The following ZNF462 variants were observed in gnomAD, a reference collection of about 807,000 sequenced individuals.
The protein encoded by ZNF462 is zinc finger protein 462.
A neutral mutation model predicts 201.9 loss-of-function variants in ZNF462; 10 were observed. The observed-to-expected ratio is 0.05, with a 90% CI of 0.03 to 0.08. The LOEUF is 0.08. Ranked by LOEUF, ZNF462 falls within the 10% of genes least tolerant of loss-of-function variation. The probability of loss-of-function intolerance (pLI) is 1.00; values close to 1 mark genes in which losing one functional copy is unlikely to be tolerated. For missense variants in ZNF462, 2,523 were observed against 3,168.3 expected (o/e 0.80, Z 4.89); for synonymous variants, 1,227 against 1,193.3 (o/e 1.03, Z -0.58).
rs1035772573 is a variant in ZNF462 at position 106,880,108 on chromosome 9, CAG to C, written c.-31+16756_-31+16757del. Among the ~76,000 whole-genome samples, 3 of 152,154 alleles carry C rather than the reference CAG, an allele frequency of 2.0e-5. No homozygotes were observed. Among genetic ancestry groups the C allele is most frequent in the Non-Finnish European group, 2.9e-5 (2 of 68,030 alleles). ...AGAGCTTTCCTAGGAATGGGACAAA[CAG>C]AGTTGCTCGTAACCACCAAGAGCCC... On this transcript the variant is annotated intron_variant, in intron 1 of 12. Coordinates refer to ENST00000277225, the MANE Select transcript of ZNF462 (RefSeq NM_021224.6). This position sits in a 1 kb window ranked among gnomAD's most constrained non-coding sequence, Gnocchi z 4.1.
intron 1 of ZNF462, among the ~76,000 whole-genome samples, chr9:106,892,567 C>T (rs1357962757): frequency 6.6e-6 from 1 of 151,960 alleles, no homozygotes; most frequent in Non-Finnish European, 1.5e-5. Flanking sequence ...TGCCAAACTC[C>T]AAGGCAGTGG....
intron 10 of ZNF462, among the ~76,000 whole-genome samples, chr9:106,996,667 T>A (rs1353254299): frequency 1.3e-5 from 2 of 152,134 alleles, no homozygotes; most frequent in Non-Finnish European, 2.9e-5. Context: ...GGTTGTTTGA[T>A]TTTTTTCTTG....
rs2131396912 is a variant in ZNF462 at position 106,920,536 on chromosome 9, G to C, written c.-30-2818G>C. On this transcript the variant is annotated intron_variant, in intron 1 of 12. Transcript: ENST00000277225. The surrounding 1 kb of genome is among the most constrained non-coding windows in gnomAD (Gnocchi z 4.3). ...GGAGATTAACCTCTTCTAAGGCTCT[G>C]AGCTATTTTTGAGGCAGAGGCTGCA... Among the ~76,000 whole-genome samples, 1 of 152,312 alleles carries C rather than the reference G, an allele frequency of 6.6e-6. No individual in the cohort carries two copies. The highest frequency in any genetic ancestry group is 1.5e-5 in the Non-Finnish European group (1 of 68,028).
intron 10 of ZNF462, among the ~76,000 whole-genome samples, chr9:106,994,891 C>T (rs966746215): frequency 2.6e-5 from 4 of 152,174 alleles, no homozygotes; most frequent in African/African-American, 9.6e-5. Flanking sequence ...TTTCTTAAGG[C>T]AGATTTATTT....
At chr9:106,914,753 A>AAT (rs1829698141) in intron 1 of ZNF462, among the ~76,000 whole-genome samples, 1 of 152,142 alleles carries the variant, frequency 6.6e-6, no homozygotes, top group Non-Finnish European at 1.5e-5. Flanking sequence ...TAGTGAAGGA[A>AAT]ATAAAGTAGT....
intron 10 of ZNF462, among the ~76,000 whole-genome samples, chr9:107,001,530 G>A (rs186885583): frequency 7.3e-4 from 111 of 152,106 alleles, no homozygotes; most frequent in African/African-American, 2.3e-3. Context: ...ACTTGAACTC[G>A]GGTCTGTCTG....
In ZNF462 at chr9:106,928,069, A is replaced by G. The variant is rs1213239007; in HGVS notation, c.4157A>G (p.Asn1386Ser). 3 of 1,614,114 alleles carry G rather than the reference A, an allele frequency of 1.9e-6. No individual in the cohort carries two copies. In the South Asian group the frequency reaches 3.3e-5, roughly 18 times the overall value. Residue 1386 changes from asparagine to serine, a missense_variant, in exon 3 of 13, where the codon AAT becomes AGT. By Grantham distance (46) the Asn-to-Ser change is conservative. This residue lies in a region of ZNF462 where 165 missense variants were observed against 142.6 expected (regional missense o/e 1.16). Transcript: ENST00000277225. The surrounding 1 kb of genome is among the most constrained non-coding windows in gnomAD (Gnocchi z 9.3). ...FEAVSIWDIT[N>S]HYQAFHPWAM... ...GCTGTTTCCATCTGGGACATCACTAATCACTACCAAGCATTCCACCCCTGG... is the reference window on the plus strand; with the variant it reads ...GCTGTTTCCATCTGGGACATCACTAGTCACTACCAAGCATTCCACCCCTGG...
intron 1 of ZNF462, among the ~76,000 whole-genome samples, chr9:106,864,041 T>A (rs191557899): frequency 4.2e-5 from 1 of 23,996 alleles, no homozygotes; most frequent in Non-Finnish European, 9.4e-5. Context: ...GGTATTTGGC[T>A]CTCTCTCTCT....
At chr9:106,934,912 C>T (rs192107362) in intron 5 of ZNF462, among the ~76,000 whole-genome samples, 3 of 152,284 alleles carry the variant, frequency 2.0e-5, no homozygotes, top group South Asian at 4.2e-4. Context: ...CTTTTGACCA[C>T]GTGGCTCCTT....
intron 7 of ZNF462, among the ~76,000 whole-genome samples, chr9:106,957,577 G>A (rs1290365060): frequency 3.9e-5 from 6 of 152,116 alleles, no homozygotes; most frequent in Non-Finnish European, 7.3e-5. Flanking sequence ...GCATATGCCT[G>A]TATAGTACAT....
rs1023014060 is a variant in ZNF462 at position 106,970,009 on chromosome 9, A to G, written c.6428-1996A>G. On this transcript the variant is annotated intron_variant, in intron 7 of 12. Transcript: ENST00000277225. This position sits in a 1 kb window ranked among gnomAD's most constrained non-coding sequence, Gnocchi z 4.2. The stretch of plus-strand genomic sequence containing the variant: ...GCAGAAACTAGACTTGAGGGCTTAA[A>G]TAGAAAACATCTCAAACAATCCATG... Among the ~76,000 whole-genome samples the G allele has an allele frequency of 1.3e-5, 2 of 152,224 alleles. No individual in the cohort carries two copies. Among genetic ancestry groups the G allele is most frequent in the Non-Finnish European group, 2.9e-5 (2 of 68,032 alleles).
chr9:106,914,149 C>A (rs17788018), intron 1 of ZNF462, among the ~76,000 whole-genome samples: 11,194 of 149,770 alleles, frequency 0.075, 816 homozygotes, highest in African/African-American at 0.13. Context: ...CCACACAATT[C>A]TAAAATCTTG....
At position 106,966,158 on chromosome 9, in the gene ZNF462, C is replaced by G. The variant is rs148743096; in HGVS notation, c.6428-5847C>G. ...TAGTCTGCTTTTCAGAAGAAAATTA[C>G]AATCCATGTATTATTTTGAACTTCC... On this transcript the variant is annotated intron_variant, in intron 7 of 12. Transcript: ENST00000277225. The surrounding 1 kb of genome is among the most constrained non-coding windows in gnomAD (Gnocchi z 4.4). 1.8e-3 allele frequency among the ~76,000 whole-genome samples: 281 copies of G among 152,190 alleles called. No homozygotes were observed. Among genetic ancestry groups the G allele is most frequent in the African/African-American group, 6.3e-3 (262 of 41,546 alleles).
In ZNF462 at chr9:106,927,949, C is replaced by T. The variant is rs969739921; in HGVS notation, c.4037C>T (p.Ala1346Val). ...PEHYVDYTYMATKLWAGPDPS... is the reference protein window; with the variant it reads ...PEHYVDYTYMVTKLWAGPDPS... Reference sequence around the variant, plus strand: ...CACTATGTTGATTACACCTACATGGCTACTAAACTGTGGGCTGGGCCAGAC... The same window carrying T: ...CACTATGTTGATTACACCTACATGGTTACTAAACTGTGGGCTGGGCCAGAC... Residue 1346 changes from alanine (A) to valine (V), a missense_variant, in exon 3 of 13, where the codon GCT (alanine) becomes GTT (valine). Around this residue, in one of 15 missense-constraint regions of ZNF462, gnomAD observed 222 missense variants for 271.6 expected, o/e 0.82. Coordinates refer to ENST00000277225, the MANE Select transcript of ZNF462 (RefSeq NM_021224.6). 6.2e-7 allele frequency: 1 copy of T among 1,614,200 alleles called. No homozygotes were observed. The highest frequency in any genetic ancestry group is 8.5e-7 in the Non-Finnish European group (1 of 1,180,046).
chr9:106,924,318 G>C lies in ZNF462; in HGVS notation c.406G>C (p.Glu136Gln). 2 of 1,614,164 alleles carry C rather than the reference G, an allele frequency of 1.2e-6. No homozygotes were observed. The highest frequency in any genetic ancestry group is 1.7e-6 in the Non-Finnish European group (2 of 1,180,030). Residue 136 changes from glutamate (E) to glutamine (Q), a missense_variant, in exon 3 of 13, where the codon GAA (glutamate) becomes CAA (glutamine). By Grantham distance (29) the Glu-to-Gln change is conservative (BLOSUM62 2). Around this residue, in one of 15 missense-constraint regions of ZNF462, gnomAD observed 480 missense variants for 544.4 expected, o/e 0.88. Transcript: ENST00000277225. This position sits in a 1 kb window ranked among gnomAD's most constrained non-coding sequence, Gnocchi z 6.2. ...TAGAAAGGTCCATGGAGCTCAAGCT[G>C]AAGGGAGTTCATCAGGACCCCCTGT... ...HTRKVHGAQA[E>Q]GSSSGPPVPG... is the part of the protein sequence containing the mutation.
chr9:107,008,903 C>T lies in ZNF462; in HGVS notation c.7190-642C>T, dbSNP rs1418304974. Among the ~76,000 whole-genome samples the T allele has an allele frequency of 6.6e-6, 1 of 152,200 alleles. No individual in the cohort carries two copies. Among genetic ancestry groups the T allele is most frequent in the East Asian group, 1.9e-4 (1 of 5,184 alleles). On this transcript the variant is annotated intron_variant, in intron 11 of 12. Coordinates refer to ENST00000277225, the MANE Select transcript of ZNF462 (RefSeq NM_021224.6). The surrounding 1 kb of genome is among the most constrained non-coding windows in gnomAD (Gnocchi z 4.8). Reference sequence around the variant, plus strand: ...GCCAGGATCTCTCAATAGCAGGGGACATGTGTTCACATACTGGTTCCCACT... The same window carrying T: ...GCCAGGATCTCTCAATAGCAGGGGATATGTGTTCACATACTGGTTCCCACT...
intron 1 of ZNF462, among the ~76,000 whole-genome samples, chr9:106,868,334 C>T (rs1827436430): frequency 6.6e-6 from 1 of 152,012 alleles, no homozygotes; most frequent in Admixed American, 6.6e-5. Context: ...ATGGGAAGTT[C>T]TAAGCTCTTT....
At chr9:106,939,658 T>C (rs1314260638) in intron 7 of ZNF462, among the ~76,000 whole-genome samples, 1 of 152,170 alleles carries the variant, frequency 6.6e-6, no homozygotes, top group East Asian at 1.9e-4. Context: ...AGGAGAGTTT[T>C]ACTGTTTAGT....
rs1160997657 is a variant in ZNF462, at chr9:106,905,612, T to G, written c.-30-17742T>G. Among the ~76,000 whole-genome samples, 1 of 152,018 alleles carries G rather than the reference T, an allele frequency of 6.6e-6. No homozygotes were observed. The highest frequency in any genetic ancestry group is 1.5e-5 in the Non-Finnish European group (1 of 68,016). On this transcript the variant is annotated intron_variant, in intron 1 of 12. Transcript: ENST00000277225. This position sits in a 1 kb window ranked among gnomAD's most constrained non-coding sequence, Gnocchi z 5.9. The stretch of plus-strand genomic sequence containing the variant: ...GTCTTGCTGCGGCTGCTGTGGGAGA[T>G]GAGGGTGAGATTCCCAGGTCACTGG...
Sources: gnomAD v4.1 joint callset for allele counts (sites outside exome capture counted in the v4.1 genomes callset) on GRCh38, gnomAD v4.1.1 for gene constraint, gnomAD v4.1.1 regional missense constraint, Gnocchi (gnomAD v3.1) non-coding constraint, MANE v1.5 for transcripts, NCBI Gene and HGNC (gene_info 2026-07-23, HGNC 2026-07-21) for gene names.